Variants in NCAM1 observed in about 807,000 individuals in gnomAD.
The protein encoded by NCAM1 is neural cell adhesion molecule 1.
In NCAM1, 14 loss-of-function variants were observed where a neutral mutation model predicts 109.8. That is an observed-to-expected ratio of 0.13 (90% CI 0.08 to 0.20). The LOEUF is 0.20. Ranked by LOEUF, NCAM1 falls within the 10% of genes least tolerant of loss-of-function variation. The probability of loss-of-function intolerance (pLI) is 1.00; values close to 1 mark genes in which losing one functional copy is unlikely to be tolerated. For synonymous variants in NCAM1, 418 were observed against 442.9 expected, an observed-to-expected ratio of 0.94 and a Z score of 0.70; for missense variants, 774 against 1,109.9, an observed-to-expected ratio of 0.70 and a Z score of 4.30.
chr11:113,078,385 GT>G (rs112687073), intron 1 of NCAM1, among the ~76,000 whole-genome samples: 5 of 146,654 alleles, frequency 3.4e-5, no homozygotes, highest in African/African-American at 5.0e-5. Flanking sequence ...AGACCCTTTT[GT>G]TTTTTTTTTC....
intron 1 of NCAM1, among the ~76,000 whole-genome samples, chr11:113,087,142 G>A (rs1450324359): frequency 6.6e-6 from 1 of 152,174 alleles, no homozygotes; most frequent in African/African-American, 2.4e-5. Flanking sequence ...CTTTCGTGAG[G>A]TGGTCTTTCT....
At chr11:113,090,602 G>A (rs1386746980) in intron 1 of NCAM1, among the ~76,000 whole-genome samples, 1 of 152,120 alleles carries the variant, frequency 6.6e-6, no homozygotes, top group Non-Finnish European at 1.5e-5. Context: ...GGGAAAGTCA[G>A]GTCTGCATGT....
chr11:112,994,199 A>G (rs1951535255), intron 1 of NCAM1, among the ~76,000 whole-genome samples: 2 of 152,226 alleles, frequency 1.3e-5, no homozygotes, highest in African/African-American at 4.8e-5. Flanking sequence ...TTCTTCCCAT[A>G]GATATCTGAT....
rs551265313 is a variant in NCAM1, at chr11:113,260,354, C to T, written c.2131+31C>T. 69 of 1,601,632 alleles carry T rather than the reference C, an allele frequency of 4.3e-5. No homozygotes were observed. The East Asian group carries it at 7.8e-4, about 18-fold the overall frequency. ...GCTGCCTCTGCTTTCTGTTTGTTTC[C>T]GCTTTGAATTAATGCACAAGTGCTG... On this transcript the variant is annotated intron_variant, in intron 17 of 19. Coordinates refer to ENST00000316851, the MANE Select transcript of NCAM1 (RefSeq NM_181351.5).
chr11:113,020,801 G>A (rs1435180561), intron 1 of NCAM1, among the ~76,000 whole-genome samples: 1 of 152,062 alleles, frequency 6.6e-6, no homozygotes, highest in African/African-American at 2.4e-5. Context: ...TGTCGCCCAG[G>A]CTGGAGTGCA....
intron 8 of NCAM1, among the ~76,000 whole-genome samples, chr11:113,220,602 C>CTCTTTTTTTTTT (rs1319361444): frequency 5.3e-5 from 4 of 75,584 alleles, no homozygotes; most frequent in African/African-American, 2.4e-4. Context: ...CTCTCTCTCT[C>CTCTTTTTTTTTT]TTTTTTTTTT....
chr11:113,000,721 A>G (rs557973933), intron 1 of NCAM1, among the ~76,000 whole-genome samples: 1 of 151,554 alleles, frequency 6.6e-6, no homozygotes, highest in African/African-American at 2.4e-5. Flanking sequence ...CTGATGGGTC[A>G]GGATTGCTGT....
chr11:113,275,206 G>A (rs1946376624), intron 19 of NCAM1, 61 bp from the exon 20 acceptor site: 2 of 1,600,750 alleles, frequency 1.2e-6, no homozygotes, highest in African/African-American at 1.3e-5. Flanking sequence ...AGGCCTGGAT[G>A]CAGGGGCGAG....
intron 1 of NCAM1, among the ~76,000 whole-genome samples, chr11:113,107,426 G>T (rs1306903424): frequency 6.6e-6 from 1 of 152,180 alleles, no homozygotes; most frequent in African/African-American, 2.4e-5. Context: ...GACTACTACT[G>T]GAAATGTTAT....
intron 1 of NCAM1, among the ~76,000 whole-genome samples, chr11:113,000,738 G>C (rs78583843): frequency 0.021 from 3,130 of 150,506 alleles, 71 homozygotes; most frequent in East Asian, 0.094. Flanking sequence ...CTGTAGGAAG[G>C]TTGCATTCTA....
In NCAM1 at chr11:113,276,994, T is replaced by A. The variant is rs1946409926; in HGVS notation, c.*1607T>A. ...TATTGAAATAAAACTTCAACATAGT[T>A]TGGTTGTGGAAGGTATAGCAGATAG... is the stretch of plus-strand genomic sequence containing the variant. On this transcript the variant is annotated 3_prime_UTR_variant, in exon 20 of 20. Coordinates refer to ENST00000316851, the MANE Select transcript of NCAM1 (RefSeq NM_181351.5). 1 of 212,964 alleles carries A rather than the reference T, an allele frequency of 4.7e-6. No individual in the cohort carries two copies. Among genetic ancestry groups the A allele is most frequent in the Admixed American group, 5.9e-5 (1 of 17,038 alleles). 13.2% of individuals were successfully genotyped at this position (212,964 alleles called of 1,614,324 possible).
At chr11:113,188,925 C>T (rs2136686697) in intron 1 of NCAM1, among the ~76,000 whole-genome samples, 1 of 152,066 alleles carries the variant, frequency 6.6e-6, no homozygotes, top group East Asian at 1.9e-4. Context: ...TGCTGGGATG[C>T]CAGGCAGAGT....
At chr11:113,028,082 C>T (rs1050602315) in intron 1 of NCAM1, among the ~76,000 whole-genome samples, 1 of 151,984 alleles carries the variant, frequency 6.6e-6, no homozygotes, top group Non-Finnish European at 1.5e-5. Flanking sequence ...GGTTGGTCCG[C>T]TTATATAGGA....
At chr11:112,981,718 T>C (rs949958744) in intron 1 of NCAM1, among the ~76,000 whole-genome samples, 1 of 151,882 alleles carries the variant, frequency 6.6e-6, no homozygotes, top group Non-Finnish European at 1.5e-5. Context: ...CAGAGGGAGC[T>C]AACCCATAGG....
At chr11:113,006,872 C>G (rs560289846) in intron 1 of NCAM1, among the ~76,000 whole-genome samples, 1 of 152,214 alleles carries the variant, frequency 6.6e-6, no homozygotes, top group South Asian at 2.1e-4. Context: ...AGTAGTGCAC[C>G]ATTTCCACTT....
At chr11:113,196,161 T>C (rs1943850258) in intron 1 of NCAM1, among the ~76,000 whole-genome samples, 1 of 152,204 alleles carries the variant, frequency 6.6e-6, no homozygotes, top group African/African-American at 2.4e-5. Context: ...CAGATCTCCC[T>C]GACTCCAGAT....
At chr11:113,088,662 AG>A (rs1487174700) in intron 1 of NCAM1, among the ~76,000 whole-genome samples, 3 of 152,204 alleles carry the variant, frequency 2.0e-5, no homozygotes, top group Non-Finnish European at 4.4e-5. Context: ...ATATGATGCG[AG>A]TAACAAAAGA....
intron 7 of NCAM1, among the ~76,000 whole-genome samples, chr11:113,212,935 G>A (rs1555113842): frequency 2.0e-5 from 3 of 152,164 alleles, no homozygotes; most frequent in African/African-American, 7.2e-5. Flanking sequence ...GGCCAGATTG[G>A]ATTGAGATGT....
rs1555125442 is a variant in NCAM1, at chr11:113,271,826, T to C, written c.2406T>C (p.Asp802=). Residue 802 remains aspartate, a synonymous_variant, in exon 19 of 20, where the codon GAT becomes GAC. Coordinates refer to ENST00000316851, the MANE Select transcript of NCAM1 (RefSeq NM_181351.5). ...RTEEERTPNH[D]GGKHTEPNET... ...AGGAGGAGAGGACCCCAAACCATGA[T>C]GGAGGGAAACACACAGAGCCCAACG... 5 of 1,573,296 alleles carry C rather than the reference T, an allele frequency of 3.2e-6. 1 individual carries two copies. In the Admixed American group the frequency reaches 9.3e-5, roughly 29 times the overall value.
Sources: allele counts gnomAD v4.1 joint callset (sites outside exome capture counted in the v4.1 genomes callset), GRCh38; gene constraint gnomAD v4.1.1; transcripts MANE v1.5; gene names NCBI Gene and HGNC (gene_info 2026-07-23, HGNC 2026-07-21).